The following SCNN1B variants were observed in gnomAD, a reference collection of about 807,000 sequenced individuals.
The protein encoded by SCNN1B is sodium channel epithelial 1 subunit beta.
In SCNN1B, 46 loss-of-function variants were observed where a neutral mutation model predicts 65.3. The observed-to-expected ratio is 0.70, with a 90% CI of 0.56 to 0.90. The LOEUF is 0.90. Among genes scored for constraint, SCNN1B ranks in the 40% least tolerant of loss-of-function variants. The probability of loss-of-function intolerance (pLI) is 0.00; values close to 1 mark genes in which losing one functional copy is unlikely to be tolerated. For missense variants in SCNN1B, 751 were observed against 830.5 expected (o/e 0.90, Z 1.18); for synonymous variants, 349 against 330.6 (o/e 1.06, Z -0.60).
chr16:23,379,224 C>T (rs781419534), intron 11 of SCNN1B, among the ~76,000 whole-genome samples: 21 of 147,314 alleles, frequency 1.4e-4, no homozygotes, highest in Non-Finnish European at 2.2e-4. Context: ...TTCTCCCACC[C>T]ACGCACCCAG....
chr16:23,379,339 A>G (rs947670970), intron 11 of SCNN1B, among the ~76,000 whole-genome samples: 7 of 152,058 alleles, frequency 4.6e-5, no homozygotes, highest in Admixed American at 2.6e-4. Flanking sequence ...GGGGGCAAAC[A>G]TATGTAAAAA....
intron 1 of SCNN1B, chr16:23,303,912 C>T (rs1254886986): frequency 4.2e-6 from 3 of 712,010 alleles, no homozygotes; most frequent in South Asian, 3.0e-5. Context: ...GAGCAAGACT[C>T]TGTTTCAGAA....
In SCNN1B at chr16:23,348,620, G is replaced by C. The variant is rs780903777; in HGVS notation, c.21G>C (p.Leu7=). The change falls in exon 2 of 13, where the codon CTG becomes CTC. Residue 7 remains leucine, a synonymous_variant. Coordinates refer to ENST00000343070, the MANE Select transcript of SCNN1B (RefSeq NM_000336.3). The surrounding 1 kb of genome is among the most constrained non-coding windows in gnomAD (Gnocchi z 4.5). ...CCACTATGCACGTGAAGAAGTACCTGCTGAAGGGCCTGCATCGGCTGCAGA... is the reference window on the plus strand; with the variant it reads ...CCACTATGCACGTGAAGAAGTACCTCCTGAAGGGCCTGCATCGGCTGCAGA... MHVKKY[L]LKGLHRLQKG... 17 of 1,613,174 alleles carry C rather than the reference G, an allele frequency of 1.1e-5. No individual in the cohort carries two copies. The highest frequency in any genetic ancestry group is 1.4e-5 in the Non-Finnish European group (17 of 1,179,964).
rs1314201442 is a variant in SCNN1B at position 23,380,790 on chromosome 16, G to A, written c.1912G>A (p.Asp638Asn). 3 of 1,612,216 alleles carry A rather than the reference G, an allele frequency of 1.9e-6. No individual in the cohort carries two copies. Among genetic ancestry groups the A allele is most frequent in the Non-Finnish European group, 2.5e-6 (3 of 1,179,994 alleles). ...LDVIESDSEG[D>N]AI is the part of the protein sequence containing the mutation. ...CGTCATCGAGTCTGACAGTGAGGGT[G>A]ATGCCATCTAACCCTGCCCCTGCCC... is the stretch of plus-strand genomic sequence containing the variant. The change falls in exon 13 of 13, where the codon GAT (aspartate) becomes AAT (asparagine). Residue 638 changes from aspartate (D) to asparagine (N), a missense_variant. Asp to Asn is a conservative substitution (Grantham distance 23). Coordinates refer to ENST00000343070, the MANE Select transcript of SCNN1B (RefSeq NM_000336.3). This position sits in a 1 kb window ranked among gnomAD's most constrained non-coding sequence, Gnocchi z 5.4.
rs1962514973 is a variant in SCNN1B at position 23,360,209 on chromosome 16, T to TAAATAAATAAATAAATAAAA, written c.776+4739_776+4740insAAAATAAATAAATAAATAAA. Among the ~76,000 whole-genome samples, 4 of 149,912 alleles carry TAAATAAATAAATAAATAAAA rather than the reference T, an allele frequency of 2.7e-5. No individual in the cohort carries two copies. The South Asian group carries it at 8.4e-4, about 31-fold the overall frequency. ...CGAGACTCCATCTCAAAAAAATAAA[T>TAAATAAATAAATAAATAAAA]AAATAAATAAATAAATAAACAAATA... On this transcript the variant is annotated intron_variant, in intron 4 of 12. Coordinates refer to ENST00000343070, the MANE Select transcript of SCNN1B (RefSeq NM_000336.3).
chr16:23,311,124 G>A (rs16940016), intron 1 of SCNN1B, among the ~76,000 whole-genome samples: 9,096 of 152,296 alleles, frequency 0.06, 929 homozygotes, highest in African/African-American at 0.21. Flanking sequence ...CATTTCACCC[G>A]CAGGAATTGA....
intron 4 of SCNN1B, among the ~76,000 whole-genome samples, chr16:23,364,880 C>T (rs1361052611): frequency 6.6e-6 from 1 of 151,966 alleles, no homozygotes; most frequent in Non-Finnish European, 1.5e-5. Context: ...AATCCTAGCA[C>T]TTTGGGAGGC....
chr16:23,367,036 C>CTG (rs577958450), intron 4 of SCNN1B, among the ~76,000 whole-genome samples: 187 of 152,260 alleles, frequency 1.2e-3, no homozygotes, highest in Admixed American at 5.0e-3. Flanking sequence ...CTGAAGGCCC[C>CTG]TGCCTCAGTC....
At chr16:23,291,484 G>C (rs1362020664) in intron 2 of SCNN1B, among the ~76,000 whole-genome samples, 1 of 151,720 alleles carries the variant, frequency 6.6e-6, no homozygotes, top group Non-Finnish European at 1.5e-5. Flanking sequence ...AAGTGTGTGT[G>C]TGTGTGTGTG....
rs1963041766 is a variant in SCNN1B at position 23,381,039 on chromosome 16, C to T, written c.*238C>T. 3 of 592,678 alleles carry T rather than the reference C, an allele frequency of 5.1e-6. No homozygotes were observed. The highest frequency in any genetic ancestry group is 9.1e-6 in the Non-Finnish European group (3 of 328,002). 36.7% of individuals were successfully genotyped at this position (592,678 alleles called of 1,614,324 possible). On this transcript the variant is annotated 3_prime_UTR_variant, in exon 13 of 13. Coordinates refer to ENST00000343070, the MANE Select transcript of SCNN1B (RefSeq NM_000336.3). ...ATTGTATCTTCACCTGGTTCCTACC[C>T]TCGTCCCTACCTGTCCTGATCCTGG...
intron 1 of SCNN1B, among the ~76,000 whole-genome samples, chr16:23,279,609 G>A (rs1960756022): frequency 6.6e-6 from 1 of 152,190 alleles, no homozygotes; most frequent in South Asian, 2.1e-4. Flanking sequence ...TTATCTTTGG[G>A]CTCAGAACTG....
intron 1 of SCNN1B, among the ~76,000 whole-genome samples, chr16:23,323,003 G>A (rs1031215933): frequency 6.6e-5 from 10 of 151,626 alleles, no homozygotes; most frequent in Non-Finnish European, 1.5e-4. Context: ...TGGCCAACAT[G>A]GTGAAATCCC....
At chr16:23,333,113 G>GGGAC (rs1461158295) in intron 1 of SCNN1B, among the ~76,000 whole-genome samples, 3 of 108,794 alleles carry the variant, frequency 2.8e-5, no homozygotes, top group East Asian at 2.5e-4. Flanking sequence ...AAGGAAGGGA[G>GGGAC]GGAGGGAGGG....
intron 4 of SCNN1B, among the ~76,000 whole-genome samples, chr16:23,362,113 G>A (rs1962565320): frequency 6.6e-6 from 1 of 151,998 alleles, no homozygotes; most frequent in Non-Finnish European, 1.5e-5. Context: ...GGGAGGCCGA[G>A]GTGGAAGGAT....
chr16:23,380,404 C>T lies in SCNN1B; in HGVS notation c.1543-17C>T, dbSNP rs35074083. On this transcript the variant is annotated splice_polypyrimidine_tract_variant and intron_variant, in intron 12 of 12. Coordinates refer to ENST00000343070, the MANE Select transcript of SCNN1B (RefSeq NM_000336.3). This position sits in a 1 kb window ranked among gnomAD's most constrained non-coding sequence, Gnocchi z 5.4. ...AATGTGTGGCCTGAGCTCACCCCAG[C>T]TCCCTGTTCCCCACAGATCGTCTGG... 13,273 of 1,614,002 alleles carry T rather than the reference C, an allele frequency of 8.2e-3. 66 individuals carry two copies. Among genetic ancestry groups the T allele is most frequent in the Non-Finnish European group, 9.7e-3 (11,412 of 1,180,006 alleles).
chr16:23,375,967 A>C, intron 8 of SCNN1B, 112 bp downstream of exon 8: 1 of 779,316 alleles, frequency 1.3e-6, no homozygotes, highest in South Asian at 1.5e-5. Context: ...AGATGTGCCC[A>C]GGGTGGCTCC....
At chr16:23,329,414 C>T (rs773613680) in intron 1 of SCNN1B, among the ~76,000 whole-genome samples, 18 of 152,222 alleles carry the variant, frequency 1.2e-4, no homozygotes, top group Middle Eastern at 3.2e-3. Flanking sequence ...CTGTATCCAG[C>T]CTGTTTATTT....
chr16:23,317,063 T>C (rs934684790), intron 1 of SCNN1B, among the ~76,000 whole-genome samples: 2 of 152,230 alleles, frequency 1.3e-5, no homozygotes, highest in Non-Finnish European at 2.9e-5. Context: ...CCTAGAAAGA[T>C]GGCTAAGAAT....
chr16:23,380,568 C>G lies in SCNN1B; in HGVS notation c.1690C>G (p.Gln564Glu), dbSNP rs761025448. The G allele has an allele frequency of 2.3e-5, 37 of 1,614,184 alleles. No homozygotes were observed. Among genetic ancestry groups the G allele is most frequent in the Non-Finnish European group, 3.1e-5 (36 of 1,180,030 alleles). ...GGTGGCCTTGGCCAAGAGCCTACGG[C>G]AGCGGCGAGCCCAAGCCAGCTACGC... ...KLVALAKSLRQRRAQASYAGP... is the reference protein window; with the variant it reads ...KLVALAKSLRERRAQASYAGP... Residue 564 changes from glutamine to glutamate, a missense_variant, in exon 13 of 13, where the codon CAG becomes GAG. Gln to Glu is a conservative substitution (Grantham distance 29, BLOSUM62 2). Coordinates refer to ENST00000343070, the MANE Select transcript of SCNN1B (RefSeq NM_000336.3). The surrounding 1 kb of genome is among the most constrained non-coding windows in gnomAD (Gnocchi z 5.4).
Sources: allele counts gnomAD v4.1 joint callset (sites outside exome capture counted in the v4.1 genomes callset), GRCh38; gene constraint gnomAD v4.1.1; non-coding constraint Gnocchi (gnomAD v3.1); transcripts MANE v1.5; gene names NCBI Gene and HGNC (gene_info 2026-07-23, HGNC 2026-07-21).